The following CAMK2D variants were observed in gnomAD, a reference collection of about 807,000 sequenced individuals.
CAMK2D encodes the protein calcium/calmodulin dependent protein kinase II delta, also known as calcium/calmodulin-dependent protein kinase type II subunit delta.
CAMK2D carries 37 observed loss-of-function variants against 84.0 expected under a neutral mutation model. That is an observed-to-expected ratio of 0.44 (90% CI 0.34 to 0.58). The LOEUF (loss-of-function observed/expected upper bound fraction) is 0.58, where lower values mean the gene tolerates loss of function less well. Ranked by LOEUF, CAMK2D falls within the 20% of genes least tolerant of loss-of-function variation. The probability of loss-of-function intolerance (pLI) is 0.02; values close to 1 mark genes in which losing one functional copy is unlikely to be tolerated. For synonymous variants in CAMK2D, 202 were observed against 212.5 expected (o/e 0.95, Z 0.43); for missense variants, 448 against 652.5 (o/e 0.69, Z 3.41).
chr4:113,589,298 A>G (rs1201336750), intron 4 of CAMK2D, among the ~76,000 whole-genome samples: 2 of 152,190 alleles, frequency 1.3e-5, no homozygotes, highest in African/African-American at 4.8e-5. Flanking sequence ...ACAGTGATCC[A>G]GCAAGCGATG....
chr4:113,518,636 C>T (rs901886005), intron 8 of CAMK2D, among the ~76,000 whole-genome samples: 14 of 152,172 alleles, frequency 9.2e-5, no homozygotes, highest in African/African-American at 3.1e-4. Flanking sequence ...TTGCTTTTTT[C>T]TTGCTATGTT....
intron 2 of CAMK2D, among the ~76,000 whole-genome samples, chr4:113,702,902 AAT>A (rs139581983): frequency 0.031 from 4,687 of 151,456 alleles, 244 homozygotes; most frequent in African/African-American, 0.11. Flanking sequence ...CTTATCTTAA[AAT>A]ATATATATAT....
At chr4:113,527,303 T>C (rs903271740) in intron 8 of CAMK2D, among the ~76,000 whole-genome samples, 11 of 151,920 alleles carry the variant, frequency 7.2e-5, no homozygotes, top group African/African-American at 2.7e-4. Context: ...TGGGTCATCC[T>C]ATGTTGCCCA....
chr4:113,628,913 G>C (rs773431696), intron 3 of CAMK2D, among the ~76,000 whole-genome samples: 4 of 152,006 alleles, frequency 2.6e-5, no homozygotes, highest in Non-Finnish European at 5.9e-5. Flanking sequence ...TGGTCCTCTT[G>C]CTTCAAGTTG....
At chr4:113,592,234 C>T (rs1487662418) in intron 4 of CAMK2D, among the ~76,000 whole-genome samples, 1 of 152,032 alleles carries the variant, frequency 6.6e-6, no homozygotes, top group East Asian at 1.9e-4. Context: ...TCTGCAAAGT[C>T]CAGGCTGGGA....
At chr4:113,725,101 T>C (rs1254074043) in intron 2 of CAMK2D, among the ~76,000 whole-genome samples, 2 of 152,094 alleles carry the variant, frequency 1.3e-5, no homozygotes, top group African/African-American at 4.8e-5. Flanking sequence ...TTTAATTTAA[T>C]AGGCTTAAGA....
intron 5 of CAMK2D, among the ~76,000 whole-genome samples, chr4:113,551,626 G>A (rs527323728): frequency 6.6e-6 from 1 of 152,266 alleles, no homozygotes; most frequent in South Asian, 2.1e-4. Context: ...TAGACCAACT[G>A]AGAAATAAAT....
At chr4:113,710,834 T>G (rs746181393) in intron 2 of CAMK2D, among the ~76,000 whole-genome samples, 2 of 152,092 alleles carry the variant, frequency 1.3e-5, no homozygotes, top group Non-Finnish European at 2.9e-5. Context: ...TACTGAAAAA[T>G]GGGAAACTGC....
chr4:113,485,725 G>A (rs2097759913), intron 16 of CAMK2D, among the ~76,000 whole-genome samples: 1 of 152,126 alleles, frequency 6.6e-6, no homozygotes, highest in East Asian at 1.9e-4. Context: ...TATGATGTAT[G>A]CCTCTCATCT....
At chr4:113,659,280 G>T (rs1321967556) in intron 3 of CAMK2D, among the ~76,000 whole-genome samples, 2 of 152,166 alleles carry the variant, frequency 1.3e-5, no homozygotes, top group Admixed American at 6.5e-5. Context: ...ACAAAGATTT[G>T]ATTTTATCTT....
chr4:113,592,117 G>C (rs868226895), intron 4 of CAMK2D, among the ~76,000 whole-genome samples: 1 of 152,080 alleles, frequency 6.6e-6, no homozygotes, highest in African/African-American at 2.4e-5. Context: ...GCTGAGGGGG[G>C]TTGGTGGTTG....
chr4:113,571,771 A>G lies in CAMK2D; in HGVS notation c.276-19675T>C, dbSNP rs1445169840. 2.0e-5 allele frequency among the ~76,000 whole-genome samples: 3 copies of G among 152,178 alleles called. No homozygotes were observed. In the East Asian group the frequency reaches 5.8e-4, roughly 29 times the overall value. ...GCACCTGTAATCCCAGCTACTGAGGAGGCTAAAAAATTTGTCTATAACTAG... is the reference window on the plus strand; with the variant it reads ...GCACCTGTAATCCCAGCTACTGAGGGGGCTAAAAAATTTGTCTATAACTAG... On this transcript the variant is annotated intron_variant, in intron 4 of 20. Transcript: ENST00000511664.
At chr4:113,712,974 T>C (rs989454028) in intron 2 of CAMK2D, among the ~76,000 whole-genome samples, 1 of 152,072 alleles carries the variant, frequency 6.6e-6, no homozygotes, top group African/African-American at 2.4e-5. Flanking sequence ...ATAGAAATGG[T>C]ATTATACTGT....
At chr4:113,705,653 T>C (rs528442078) in intron 2 of CAMK2D, among the ~76,000 whole-genome samples, 234 of 152,332 alleles carry the variant, frequency 1.5e-3, no homozygotes, top group Non-Finnish European at 2.6e-3. Flanking sequence ...TAAAAAGTTT[T>C]AACAAATGTG....
chr4:113,640,032 T>C (rs2099126000), intron 3 of CAMK2D, among the ~76,000 whole-genome samples: 1 of 151,462 alleles, frequency 6.6e-6, no homozygotes. Flanking sequence ...GCTAAGTGCT[T>C]ATATAAGTTG....
intron 2 of CAMK2D, among the ~76,000 whole-genome samples, chr4:113,711,645 A>G (rs1047045141): frequency 6.6e-6 from 1 of 152,164 alleles, no homozygotes; most frequent in African/African-American, 2.4e-5. Context: ...ATGTTGACCT[A>G]TGAAAATAAA....
chr4:113,678,510 TGG>T (rs1396468886), intron 2 of CAMK2D, among the ~76,000 whole-genome samples: 1 of 152,132 alleles, frequency 6.6e-6, no homozygotes, highest in Non-Finnish European at 1.5e-5. Flanking sequence ...TTATAATAAT[TGG>T]GGTATCAAGT....
intron 2 of CAMK2D, among the ~76,000 whole-genome samples, chr4:113,715,439 C>T (rs570105304): frequency 6.6e-6 from 1 of 151,988 alleles, no homozygotes; most frequent in Non-Finnish European, 1.5e-5. Context: ...GAGTTTATAT[C>T]ATAAAAGACC....
chr4:113,672,674 TAATTG>T (rs1218905979), intron 2 of CAMK2D, among the ~76,000 whole-genome samples: 1 of 151,580 alleles, frequency 6.6e-6, no homozygotes, highest in Non-Finnish European at 1.5e-5. Context: ...TTAATTCTAT[TAATTG>T]AATTAATTTA....
Sources: gnomAD v4.1 joint callset for allele counts (sites outside exome capture counted in the v4.1 genomes callset) on GRCh38, gnomAD v4.1.1 for gene constraint, MANE v1.5 for transcripts, NCBI Gene and HGNC (gene_info 2026-07-23, HGNC 2026-07-21) for gene names.